Variants in VPS54 observed in about 807,000 individuals in gnomAD.
VPS54 encodes the protein vacuolar protein sorting-associated protein 54.
Under a neutral mutation model 121.5 loss-of-function variants are expected in VPS54, and 45 were observed. The ratio of observed to expected loss-of-function variants is 0.37; its 90% CI spans 0.29 to 0.47. VPS54 has a LOEUF of 0.47. VPS54 is among the 20% of genes least tolerant of loss of function. The pLI, the probability that VPS54 is intolerant of heterozygous loss-of-function variation, is 0.99. For synonymous variants in VPS54, 371 were observed against 385.8 expected, an observed-to-expected ratio of 0.96 and a Z score of 0.45; for missense variants, 1,090 against 1,131.4, an observed-to-expected ratio of 0.96 and a Z score of 0.52.
intron 20 of VPS54, among the ~76,000 whole-genome samples, chr2:63,910,956 T>C (rs1673123942): frequency 6.6e-6 from 1 of 152,194 alleles, no homozygotes. Context: ...TCACCTAGAC[T>C]GGAGTGCAGT....
intron 17 of VPS54, 152 bp downstream of exon 17, chr2:63,914,030 T>A: frequency 9.7e-7 from 1 of 1,033,810 alleles, no homozygotes; most frequent in South Asian, 1.6e-5. Context: ...CTGTTTCCAA[T>A]AACATGTTGT....
intron 22 of VPS54, among the ~76,000 whole-genome samples, chr2:63,894,762 A>G (rs1273544484): frequency 6.6e-6 from 1 of 152,188 alleles, no homozygotes; most frequent in African/African-American, 2.4e-5. Flanking sequence ...AGACTACTAA[A>G]CATATATCAA....
chr2:64,003,564 A>T (rs114926935), intron 1 of VPS54, among the ~76,000 whole-genome samples: 1 of 152,154 alleles, frequency 6.6e-6, no homozygotes, highest in Non-Finnish European at 1.5e-5. Context: ...CCTGTCATAC[A>T]TATAATAAAA....
intron 12 of VPS54, among the ~76,000 whole-genome samples, chr2:63,927,729 T>C (rs894688348): frequency 1.3e-5 from 2 of 152,150 alleles, no homozygotes; most frequent in African/African-American, 2.4e-5. Context: ...TAAAGGAGCA[T>C]GTTCTAGCCC....
intron 1 of VPS54, among the ~76,000 whole-genome samples, chr2:64,006,452 G>C (rs894725695): frequency 6.6e-6 from 1 of 152,132 alleles, no homozygotes; most frequent in South Asian, 2.1e-4. Flanking sequence ...TATTAGTTGT[G>C]TGACAACTGT....
rs1012582443 is a variant in VPS54 at position 63,900,755 on chromosome 2, T to A, written c.2626-1174A>T. 2.0e-5 allele frequency among the ~76,000 whole-genome samples: 3 copies of A among 151,578 alleles called. No homozygotes were observed. In the East Asian group the frequency reaches 5.8e-4, roughly 29 times the overall value. ...AGGCCATATCATCTCAAATCTGGTT[T>A]TTTTTGTTTGTTTTTTTTGATTTTT... On this transcript the variant is annotated intron_variant, in intron 20 of 22. Transcript: ENST00000272322.
At chr2:63,973,298 A>G (rs747556185) in intron 3 of VPS54, among the ~76,000 whole-genome samples, 1 of 152,176 alleles carries the variant, frequency 6.6e-6, no homozygotes, top group Non-Finnish European at 1.5e-5. Context: ...ATCTTTTTAT[A>G]TGCTTATTTG....
Position 63,933,977 on chromosome 2 carries a change from C to A in VPS54, c.1435G>T (p.Val479Phe). The A allele has an allele frequency of 6.2e-7, 1 of 1,613,426 alleles. No homozygotes were observed. The highest frequency in any genetic ancestry group is 8.5e-7 in the Non-Finnish European group (1 of 1,179,672). Residue 479 changes from valine (V) to phenylalanine (F), a missense_variant, in exon 12 of 23, where the codon GTT becomes TTT. Around this residue, in one of 2 missense-constraint regions of VPS54, gnomAD observed 801 missense variants for 757.0 expected, o/e 1.06. Coordinates refer to ENST00000272322, the MANE Select transcript of VPS54 (RefSeq NM_016516.3). The stretch of plus-strand genomic sequence containing the variant: ...CTAGTCCTTTGGTTTTTGTCAAGAA[C>A]TGAGAGAACAACACTGTGAATGATA... ...LNIIHSVVLS[V>F]LDKNQRTREL...
At chr2:63,970,204 T>A (rs56171188) in intron 4 of VPS54, among the ~76,000 whole-genome samples, 33,383 of 67,856 alleles carry the variant, frequency 0.49, 5,659 homozygotes, top group East Asian at 0.8. Flanking sequence ...TAAAAAAAAA[T>A]ATATATATAC....
At chr2:63,987,469 A>C (rs1281056913) in intron 1 of VPS54, among the ~76,000 whole-genome samples, 2 of 135,168 alleles carry the variant, frequency 1.5e-5, no homozygotes, top group African/African-American at 4.9e-5. Flanking sequence ...CGGTTCTTCC[A>C]ATTTTCTTTT....
intron 1 of VPS54, among the ~76,000 whole-genome samples, chr2:63,995,977 T>TAAGTCCAA (rs1677565370): frequency 5.3e-5 from 8 of 152,250 alleles, no homozygotes; most frequent in African/African-American, 1.7e-4. Flanking sequence ...GGATTAAGTC[T>TAAGTCCAA]ATTGGGGGCT....
chr2:63,994,371 C>T (rs887082017), intron 1 of VPS54, among the ~76,000 whole-genome samples: 1 of 152,270 alleles, frequency 6.6e-6, no homozygotes, highest in South Asian at 2.1e-4. Context: ...ACCGGCTACA[C>T]AAAATTATTC....
At chr2:64,004,599 A>G (rs1264141457) in intron 1 of VPS54, among the ~76,000 whole-genome samples, 3 of 152,144 alleles carry the variant, frequency 2.0e-5, no homozygotes, top group Non-Finnish European at 2.9e-5. Context: ...ATCCAATCCA[A>G]TCCAATCCAA....
intron 5 of VPS54, among the ~76,000 whole-genome samples, chr2:63,966,774 C>G (rs534581681): frequency 1.6e-4 from 25 of 152,218 alleles, no homozygotes; most frequent in Non-Finnish European, 2.8e-4. Context: ...TCTTGTCACT[C>G]CCACTATTTA....
At chr2:63,923,015 T>C (rs1673715736) in intron 12 of VPS54, among the ~76,000 whole-genome samples, 1 of 152,230 alleles carries the variant, frequency 6.6e-6, no homozygotes, top group African/African-American at 2.4e-5. Flanking sequence ...ATTCTGCTCT[T>C]AAAAAGATTT....
At chr2:63,972,112 G>A in intron 4 of VPS54, 54 bp downstream of exon 4, 2 of 1,191,540 alleles carry the variant, frequency 1.7e-6, no homozygotes, top group Non-Finnish European at 2.3e-6. Flanking sequence ...TAAAGATTTT[G>A]TTCACTAATA....
At chr2:63,946,071 T>A (rs1433127823) in intron 9 of VPS54, among the ~76,000 whole-genome samples, 3 of 152,140 alleles carry the variant, frequency 2.0e-5, no homozygotes, top group Non-Finnish European at 4.4e-5. Flanking sequence ...CAAAATATAC[T>A]ATTATCTTGA....
At chr2:63,970,202 A>T (rs556778810) in intron 4 of VPS54, among the ~76,000 whole-genome samples, 55 of 58,808 alleles carry the variant, frequency 9.4e-4, no homozygotes, top group South Asian at 7.0e-3. Context: ...ATTAAAAAAA[A>T]ATATATATAT....
intron 6 of VPS54, among the ~76,000 whole-genome samples, chr2:63,964,560 A>G (rs1480932456): frequency 6.6e-6 from 1 of 152,190 alleles, no homozygotes; most frequent in Non-Finnish European, 1.5e-5. Context: ...CTGTGTCTCT[A>G]AACCCATGGT....
Sources: allele counts gnomAD v4.1 joint callset (sites outside exome capture counted in the v4.1 genomes callset), GRCh38; gene constraint gnomAD v4.1.1; regional missense constraint gnomAD v4.1.1; transcripts MANE v1.5; gene names NCBI Gene and HGNC (gene_info 2026-07-23, HGNC 2026-07-21).